FRMD3: variants seen among roughly 807,000 people sequenced by gnomAD.
The protein encoded by FRMD3 is FERM domain containing 3.
FRMD3 carries 33 observed loss-of-function variants against 70.2 expected under a neutral mutation model. The observed-to-expected ratio is 0.47, with a 90% CI of 0.36 to 0.63. The LOEUF (loss-of-function observed/expected upper bound fraction) is 0.63. Ranked by LOEUF, FRMD3 falls within the 20% of genes least tolerant of loss-of-function variation. The pLI is 0.00. For synonymous variants in FRMD3, 279 were observed against 255.9 expected, an observed-to-expected ratio of 1.09 and a Z score of -0.86; for missense variants, 632 against 711.4, an observed-to-expected ratio of 0.89 and a Z score of 1.27.
Position 83,247,802 on chromosome 9 carries a change from A to G in FRMD3, c.*116T>C, listed in dbSNP as rs547220071. 1,543 of 1,502,106 alleles carry G rather than the reference A, an allele frequency of 1.0e-3. 1 individual carries two copies. The highest frequency in any genetic ancestry group is 1.3e-3 in the Non-Finnish European group (1,471 of 1,130,548). 93.0% of individuals were successfully genotyped at this position (1,502,106 alleles called of 1,614,324 possible). A position where few individuals can be genotyped will look rare whatever the true frequency, so the allele number is the denominator to read the frequency against. On this transcript the variant is annotated 3_prime_UTR_variant, in exon 14 of 14. Coordinates refer to ENST00000304195, the MANE Select transcript of FRMD3 (RefSeq NM_174938.6). ...AGCTAACTTAAAGGTTTGAATAATC[A>G]ATTATGAGTAAGGAACACCTGTTGA... is the stretch of plus-strand genomic sequence containing the variant.
intron 1 of FRMD3, among the ~76,000 whole-genome samples, chr9:83,473,594 A>G (rs1828322431): frequency 6.6e-6 from 1 of 152,216 alleles, no homozygotes; most frequent in African/African-American, 2.4e-5. Context: ...AGAAACAGAA[A>G]GTACATCATA....
chr9:83,549,403 T>G, the FRMD3 span, among the ~76,000 whole-genome samples: 1 of 152,196 alleles, frequency 6.6e-6, no homozygotes, highest in Non-Finnish European at 1.5e-5. Flanking sequence ...TGAACAGTAC[T>G]GCCACGAATA....
chr9:83,488,203 A>T (rs1828729877), intron 1 of FRMD3, among the ~76,000 whole-genome samples: 1 of 152,232 alleles, frequency 6.6e-6, no homozygotes, highest in Non-Finnish European at 1.5e-5. Flanking sequence ...TATACAACTA[A>T]ATAGTTGTCA....
chr9:83,461,665 CTTTTTTTTTTTTTTTTTTTTTTTTTTTTT>C (rs200147815), intron 1 of FRMD3, among the ~76,000 whole-genome samples: 4 of 70,682 alleles, frequency 5.7e-5, no homozygotes, highest in African/African-American at 1.2e-4. Flanking sequence ...AGGAATTTCC[CTTTTTTTTTTTTTTTTTTTTTTTTTTTTT>C]TTTTTTTTTT....
intron 1 of FRMD3, among the ~76,000 whole-genome samples, chr9:83,416,745 G>GTCCCTCTCTC (rs1826454711): frequency 9.8e-6 from 1 of 102,234 alleles, no homozygotes; most frequent in Non-Finnish European, 1.9e-5. Context: ...ATTTCTCTCT[G>GTCCCTCTCTC]TCTCTCTCTC....
At chr9:83,446,388 A>G (rs549118852) in intron 1 of FRMD3, among the ~76,000 whole-genome samples, 1 of 151,556 alleles carries the variant, frequency 6.6e-6, no homozygotes, top group African/African-American at 2.4e-5. Context: ...TGGCTCACGC[A>G]TGTAATCCCA....
Position 83,247,806 on chromosome 9 carries a change from ATG to A in FRMD3, c.*110_*111del. ...AACTTAAAGGTTTGAATAATCAATT[ATG>A]AGTAAGGAACACCTGTTGACAGCCC... On this transcript the variant is annotated 3_prime_UTR_variant, in exon 14 of 14. Transcript: ENST00000304195. The A allele has an allele frequency of 6.6e-7, 1 of 1,504,534 alleles. No homozygotes were observed. Among genetic ancestry groups the A allele is most frequent in the South Asian group, 1.4e-5 (1 of 71,100 alleles). The allele number at this position is 1,504,534 out of a possible 1,614,324, so 93.2% of individuals were successfully genotyped here.
intron 1 of FRMD3, among the ~76,000 whole-genome samples, chr9:83,439,826 T>C (rs1827245388): frequency 6.6e-6 from 1 of 152,168 alleles, no homozygotes; most frequent in African/African-American, 2.4e-5. Flanking sequence ...GACAGTAAGT[T>C]AGCAGTAAGC....
intron 2 of FRMD3, among the ~76,000 whole-genome samples, chr9:83,378,849 T>G: frequency 7.8e-6 from 1 of 128,814 alleles, no homozygotes; most frequent in Admixed American, 8.4e-5. Context: ...TATATATAAA[T>G]TTTATATAAA....
At chr9:83,438,359 G>T (rs972050524) in intron 1 of FRMD3, among the ~76,000 whole-genome samples, 1 of 152,144 alleles carries the variant, frequency 6.6e-6, no homozygotes, top group Non-Finnish European at 1.5e-5. Flanking sequence ...TATTTAGGGA[G>T]AGTCACAAAC....
At chr9:83,273,153 C>T (rs1363170210) in intron 13 of FRMD3, among the ~76,000 whole-genome samples, 5 of 152,136 alleles carry the variant, frequency 3.3e-5, no homozygotes, top group Non-Finnish European at 7.4e-5. Context: ...TCATTGAGAA[C>T]GGGCCATGAT....
intron 1 of FRMD3, among the ~76,000 whole-genome samples, chr9:83,439,022 T>C (rs1449773931): frequency 6.6e-6 from 1 of 152,164 alleles, no homozygotes; most frequent in Non-Finnish European, 1.5e-5. Flanking sequence ...CATGTGAAGT[T>C]CCTTTAAAAA....
Position 83,470,407 on chromosome 9 carries a change from G to T in FRMD3, c.147+67678C>A, listed in dbSNP as rs187902725. Reference sequence around the variant, plus strand: ...AGTTCCCTAACTTATCTGAGCCTCAGTTACCTCAGATCTCTCTCAGAGGGT... The same window carrying T: ...AGTTCCCTAACTTATCTGAGCCTCATTTACCTCAGATCTCTCTCAGAGGGT... On this transcript the variant is annotated intron_variant, in intron 1 of 13. Coordinates refer to ENST00000304195, the MANE Select transcript of FRMD3 (RefSeq NM_174938.6). Among the ~76,000 whole-genome samples the T allele has an allele frequency of 6.6e-5, 10 of 152,310 alleles. No homozygotes were observed. The East Asian group carries it at 1.9e-3, about 29-fold the overall frequency.
At chr9:83,300,714 AT>A (rs1834882963) in intron 10 of FRMD3, among the ~76,000 whole-genome samples, 1 of 152,200 alleles carries the variant, frequency 6.6e-6, no homozygotes, top group Middle Eastern at 3.2e-3. Context: ...TATAAAATAC[AT>A]TTTTAAAAGA....
chr9:83,531,774 T>C (rs1375417776), intron 1 of FRMD3, among the ~76,000 whole-genome samples: 1 of 152,228 alleles, frequency 6.6e-6, no homozygotes, highest in African/African-American at 2.4e-5. Context: ...TCAACTAAAT[T>C]GATTAGAATA....
the FRMD3 span, among the ~76,000 whole-genome samples, chr9:83,551,482 G>A: frequency 1.3e-5 from 2 of 152,058 alleles, no homozygotes; most frequent in Admixed American, 1.3e-4. Context: ...AAATGACACT[G>A]GCCTCACAGA....
chr9:83,572,573 C>G, the FRMD3 span, among the ~76,000 whole-genome samples: 1 of 152,092 alleles, frequency 6.6e-6, no homozygotes, highest in African/African-American at 2.4e-5. Context: ...AAAGAATCGC[C>G]TAAGAGAAGG....
intron 1 of FRMD3, among the ~76,000 whole-genome samples, chr9:83,434,611 G>C (rs145221447): frequency 3.5e-4 from 53 of 152,210 alleles, no homozygotes; most frequent in African/African-American, 1.1e-3. Flanking sequence ...AAGCAAACTA[G>C]CTCAAACCAA....
intron 6 of FRMD3, among the ~76,000 whole-genome samples, chr9:83,314,471 G>A (rs1564010647): frequency 6.6e-6 from 1 of 152,114 alleles, no homozygotes; most frequent in Non-Finnish European, 1.5e-5. Flanking sequence ...TAGCAACCAA[G>A]CAGAGAAAAC....
Sources: allele counts gnomAD v4.1 joint callset (sites outside exome capture counted in the v4.1 genomes callset), GRCh38; gene constraint gnomAD v4.1.1; transcripts MANE v1.5; gene names NCBI Gene and HGNC (gene_info 2026-07-23, HGNC 2026-07-21).